The following PTGFRN variants were observed in gnomAD, a reference collection of about 807,000 sequenced individuals.
PTGFRN encodes prostaglandin F2 receptor negative regulator.
A neutral mutation model predicts 83.2 loss-of-function variants in PTGFRN; 35 were observed. The ratio of observed to expected loss-of-function variants is 0.42; its 90% CI spans 0.32 to 0.56. The LOEUF is 0.56. Ranked by LOEUF, PTGFRN falls within the 20% of genes least tolerant of loss-of-function variation. The probability of loss-of-function intolerance (pLI) is 0.11; values close to 1 mark genes in which losing one functional copy is unlikely to be tolerated. For missense variants in PTGFRN, 1,051 were observed against 1,179.5 expected (o/e 0.89, Z 1.60); for synonymous variants, 519 against 498.6 (o/e 1.04, Z -0.55).
intron 8 of PTGFRN, among the ~76,000 whole-genome samples, chr1:116,985,920 A>T (rs1305197882): frequency 6.6e-6 from 1 of 152,120 alleles, no homozygotes; most frequent in Non-Finnish European, 1.5e-5. Context: ...TTTGTGGAAA[A>T]TTTCAGAAAG....
At chr1:116,931,885 T>C (rs1649811818) in intron 1 of PTGFRN, among the ~76,000 whole-genome samples, 1 of 152,114 alleles carries the variant, frequency 6.6e-6, no homozygotes, top group South Asian at 2.1e-4. Flanking sequence ...ACTCGGGAAG[T>C]GGGAATTAGG....
chr1:116,911,574 C>T (rs562768522), intron 1 of PTGFRN, among the ~76,000 whole-genome samples: 41 of 152,204 alleles, frequency 2.7e-4, no homozygotes, highest in Non-Finnish European at 2.1e-4. Flanking sequence ...CAGCTTCAGC[C>T]CATGTGCAGA....
intron 7 of PTGFRN, among the ~76,000 whole-genome samples, chr1:116,975,359 C>A (rs966909719): frequency 1.3e-4 from 20 of 152,334 alleles, no homozygotes; most frequent in Admixed American, 2.6e-4. Context: ...CCCTGTCTGA[C>A]AGCTTTGAAG....
chr1:116,987,143 C>A lies in PTGFRN; in HGVS notation c.*176C>A. The A allele has an allele frequency of 1.5e-6, 1 of 646,296 alleles. No homozygotes were observed. The highest frequency in any genetic ancestry group is 2.6e-6 in the Non-Finnish European group (1 of 387,062). The allele number at this position is 646,296 out of a possible 1,614,324, so 40.0% of individuals were successfully genotyped here. On this transcript the variant is annotated 3_prime_UTR_variant, in exon 9 of 9. Coordinates refer to ENST00000393203, the MANE Select transcript of PTGFRN (RefSeq NM_020440.4). ...AAGTTCTGAGCGCGGACATGTTTAC[C>A]AGCACACGGCTCTTCTTCCCACGGC...
intron 7 of PTGFRN, among the ~76,000 whole-genome samples, chr1:116,976,582 G>T (rs1651162435): frequency 6.6e-6 from 1 of 152,188 alleles, no homozygotes; most frequent in Non-Finnish European, 1.5e-5. Flanking sequence ...CATTCTTAAA[G>T]AAAAGCATTT....
Position 116,989,588 on chromosome 1 carries a change from T to G in PTGFRN, c.*2621T>G, listed in dbSNP as rs530100783. 1 of 152,714 alleles carries G rather than the reference T, an allele frequency of 6.5e-6. No individual in the cohort carries two copies. The highest frequency in any genetic ancestry group is 2.4e-5 in the African/African-American group (1 of 41,538). 9.5% of individuals were successfully genotyped at this position (152,714 alleles called of 1,614,324 possible). The stretch of plus-strand genomic sequence containing the variant: ...TAACAAAAAGGAACTTTATAAAAGT[T>G]TGGGATTTTTTTTCCTAATCATAAA... On this transcript the variant is annotated 3_prime_UTR_variant, in exon 9 of 9. Transcript: ENST00000393203.
intron 1 of PTGFRN, among the ~76,000 whole-genome samples, chr1:116,915,600 G>C (rs566078177): frequency 6.6e-6 from 1 of 152,354 alleles, no homozygotes; most frequent in East Asian, 1.9e-4. Flanking sequence ...TTCCTTACAA[G>C]GCAGCAGGCT....
chr1:116,975,086 C>A (rs946466373), intron 7 of PTGFRN, among the ~76,000 whole-genome samples: 5 of 152,252 alleles, frequency 3.3e-5, no homozygotes, highest in African/African-American at 7.2e-5. Flanking sequence ...TATCCTGCAC[C>A]TGGCTCGGAG....
intron 4 of PTGFRN, among the ~76,000 whole-genome samples, chr1:116,960,457 C>T (rs1037266955): frequency 7.9e-5 from 12 of 152,086 alleles, no homozygotes; most frequent in Admixed American, 1.3e-4. Context: ...GTTTTTCTCC[C>T]AGTGGAAACA....
chr1:116,958,519 G>T lies in PTGFRN; in HGVS notation c.1214-2724G>T, dbSNP rs777536603. Among the ~76,000 whole-genome samples the T allele has an allele frequency of 6.6e-6, 1 of 152,140 alleles. No individual in the cohort carries two copies. Among genetic ancestry groups the T allele is most frequent in the Non-Finnish European group, 1.5e-5 (1 of 68,038 alleles). On this transcript the variant is annotated intron_variant, in intron 4 of 8. Coordinates refer to ENST00000393203, the MANE Select transcript of PTGFRN (RefSeq NM_020440.4). This position sits in a 1 kb window ranked among gnomAD's most constrained non-coding sequence, Gnocchi z 4.9. ...TAACTTCTTTAAAGCTCTCCCCTCA[G>T]AAATGGGAACTGTGAATAATGATCA... is the stretch of plus-strand genomic sequence containing the variant.
At chr1:116,954,161 C>T (rs1259398202) in intron 4 of PTGFRN, among the ~76,000 whole-genome samples, 1 of 152,032 alleles carries the variant, frequency 6.6e-6, no homozygotes, top group Admixed American at 6.5e-5. Flanking sequence ...CCTGGCCCTT[C>T]ATGAGTATTT....
intron 6 of PTGFRN, 31 bp from the exon 7 acceptor site, chr1:116,974,185 A>G (rs1357880855): frequency 6.8e-7 from 1 of 1,481,300 alleles, no homozygotes. Context: ...CATGAAAGAG[A>G]ATAATGAGGC....
intron 1 of PTGFRN, among the ~76,000 whole-genome samples, chr1:116,928,670 C>T (rs996833536): frequency 2.0e-5 from 3 of 152,144 alleles, no homozygotes; most frequent in Admixed American, 6.5e-5. Context: ...GTGATGGTTT[C>T]CTATTATATT....
At chr1:116,924,096 G>C (rs919692387) in intron 1 of PTGFRN, among the ~76,000 whole-genome samples, 1 of 150,628 alleles carries the variant, frequency 6.6e-6, no homozygotes, top group African/African-American at 2.4e-5. Flanking sequence ...ATGATCCCCT[G>C]TACCTGTTTA....
At chr1:116,925,406 G>T (rs1003808858) in intron 1 of PTGFRN, among the ~76,000 whole-genome samples, 1 of 151,066 alleles carries the variant, frequency 6.6e-6, no homozygotes, top group Non-Finnish European at 1.5e-5. Context: ...CAGCCTGGGC[G>T]ACAGAGAGAG....
At position 116,958,564 on chromosome 1, in the gene PTGFRN, G is replaced by A. The variant is rs1650560591; in HGVS notation, c.1214-2679G>A. On this transcript the variant is annotated intron_variant, in intron 4 of 8. Coordinates refer to ENST00000393203, the MANE Select transcript of PTGFRN (RefSeq NM_020440.4). The surrounding 1 kb of genome is among the most constrained non-coding windows in gnomAD (Gnocchi z 4.9). ...TGATCACAAATATATACACGTGTAT[G>A]TGTATATGAATATGTGTGTACCTGC... Among the ~76,000 whole-genome samples, 1 of 152,160 alleles carries A rather than the reference G, an allele frequency of 6.6e-6. No homozygotes were observed. The highest frequency in any genetic ancestry group is 6.5e-5 in the Admixed American group (1 of 15,276).
At chr1:116,986,762 C>T (rs755224600) in intron 8 of PTGFRN, 39 bp from the exon 9 acceptor site, 8 of 1,604,148 alleles carry the variant, frequency 5.0e-6, no homozygotes, top group Non-Finnish European at 8.5e-7. Flanking sequence ...GCCTCCCTCG[C>T]AGCACTGACT....
intron 1 of PTGFRN, among the ~76,000 whole-genome samples, chr1:116,926,180 G>A (rs573951926): frequency 1.3e-5 from 2 of 152,326 alleles, no homozygotes; most frequent in African/African-American, 2.4e-5. Context: ...GAAGGGAGTC[G>A]GGTTGGTGGG....
intron 1 of PTGFRN, among the ~76,000 whole-genome samples, chr1:116,937,047 G>T (rs145683939): frequency 6.6e-6 from 1 of 152,330 alleles, no homozygotes; most frequent in Non-Finnish European, 1.5e-5. Context: ...CTCAGGAAAG[G>T]CCTCATTGAG....
Sources: gnomAD v4.1 joint callset for allele counts (sites outside exome capture counted in the v4.1 genomes callset) on GRCh38, gnomAD v4.1.1 for gene constraint, Gnocchi (gnomAD v3.1) non-coding constraint, MANE v1.5 for transcripts, NCBI Gene and HGNC (gene_info 2026-07-23, HGNC 2026-07-21) for gene names.